Variants in PDE1A observed in about 807,000 individuals in gnomAD.
PDE1A encodes the protein dual specificity calcium/calmodulin-dependent 3',5'-cyclic nucleotide phosphodiesterase 1A.
In PDE1A, 35 loss-of-function variants were observed where a neutral mutation model predicts 61.7. That is an observed-to-expected ratio of 0.57 (90% CI 0.43 to 0.75). The LOEUF (loss-of-function observed/expected upper bound fraction) is 0.75, where lower values mean the gene tolerates loss of function less well. Ranked by LOEUF, PDE1A falls within the 30% of genes least tolerant of loss-of-function variation. PDE1A has a pLI of 0.00. For synonymous variants in PDE1A, 232 were observed against 213.2 expected (o/e 1.09, Z -0.77); for missense variants, 597 against 630.6 (o/e 0.95, Z 0.57).
intron 2 of PDE1A, among the ~76,000 whole-genome samples, chr2:182,500,823 TATA>T (rs1689042581): frequency 6.6e-6 from 1 of 152,202 alleles, no homozygotes; most frequent in South Asian, 2.1e-4. Flanking sequence ...AAATTCTATA[TATA>T]ATGACACTAA....
Position 182,426,572 on chromosome 2 carries a change from A to C in PDE1A, c.53+6T>G, listed in dbSNP as rs1157048696. The C allele has an allele frequency of 8.2e-6, 13 of 1,589,246 alleles. No homozygotes were observed. Among genetic ancestry groups the C allele is most frequent in the Non-Finnish European group, 1.1e-5 (13 of 1,158,736 alleles). On this transcript the variant is annotated splice_donor_region_variant and intron_variant, in intron 1 of 13. Transcript: ENST00000351439. ...CTAGAGCCACCTGCGATGTAGCATT[A>C]CTTACCTAAAGATGGGTCTTTGGAG...
downstream of PDE1A, chr2:182,142,827 G>C (rs889829324): frequency 2.6e-5 from 4 of 152,106 alleles, no homozygotes; most frequent in Non-Finnish European, 5.9e-5. Context: ...AAATTGTGGA[G>C]GGAAAAAAAT....
chr2:182,338,441 T>TATTTAC (rs1171901700), intron 1 of PDE1A, among the ~76,000 whole-genome samples: 1 of 152,224 alleles, frequency 6.6e-6, no homozygotes, highest in Non-Finnish European at 1.5e-5. Flanking sequence ...CATAAGTACC[T>TATTTAC]ATGTAATCAA....
chr2:182,478,886 C>T (rs1229569809), intron 2 of PDE1A, among the ~76,000 whole-genome samples: 1 of 151,808 alleles, frequency 6.6e-6, no homozygotes, highest in Non-Finnish European at 1.5e-5. Context: ...TTACTAGACC[C>T]CTTAATCTGG....
chr2:182,324,480 T>C (rs1473101876), intron 1 of PDE1A, among the ~76,000 whole-genome samples: 1 of 152,178 alleles, frequency 6.6e-6, no homozygotes, highest in South Asian at 2.1e-4. Flanking sequence ...CATAATTACC[T>C]GTATATGAGA....
intron 2 of PDE1A, among the ~76,000 whole-genome samples, chr2:182,444,056 T>G (rs1473265294): frequency 6.6e-6 from 1 of 152,162 alleles, no homozygotes; most frequent in Non-Finnish European, 1.5e-5. Context: ...TATAGCAATA[T>G]GAGAACAGCC....
At chr2:182,499,019 GCTCTGTCACCC>G (rs1422491525) in intron 2 of PDE1A, among the ~76,000 whole-genome samples, 4 of 151,538 alleles carry the variant, frequency 2.6e-5, no homozygotes, top group African/African-American at 9.7e-5. Context: ...ATTGAGTCTT[GCTCTGTCACCC>G]AGGCTGGAGT....
intron 2 of PDE1A, among the ~76,000 whole-genome samples, chr2:182,491,958 T>C (rs1401626188): frequency 6.6e-6 from 1 of 152,172 alleles, no homozygotes; most frequent in East Asian, 1.9e-4. Context: ...TGCTTAAGAG[T>C]TGGCATATGT....
intron 1 of PDE1A, among the ~76,000 whole-genome samples, chr2:182,305,127 C>T (rs1448299306): frequency 1.3e-5 from 2 of 151,982 alleles, no homozygotes. Context: ...TATTGGCTTT[C>T]TTCCTTCCTT....
At chr2:182,521,844 A>G (rs1202700081) in intron 2 of PDE1A, among the ~76,000 whole-genome samples, 1 of 152,158 alleles carries the variant, frequency 6.6e-6, no homozygotes, top group Non-Finnish European at 1.5e-5. Context: ...AAGTATAATT[A>G]TTTATTATCA....
intron 1 of PDE1A, among the ~76,000 whole-genome samples, chr2:182,376,828 G>T (rs1700435312): frequency 6.6e-6 from 1 of 152,182 alleles, no homozygotes; most frequent in African/African-American, 2.4e-5. Flanking sequence ...AAGGCAAGGA[G>T]GAGCAAGTCA....
the PDE1A span, among the ~76,000 whole-genome samples, chr2:182,586,786 A>G: frequency 6.6e-6 from 1 of 152,348 alleles, no homozygotes; most frequent in East Asian, 1.9e-4. Context: ...ACATTTATTC[A>G]TGCATTCATC....
intron 10 of PDE1A, among the ~76,000 whole-genome samples, chr2:182,193,758 A>G (rs1018168631): frequency 6.6e-6 from 1 of 152,172 alleles, no homozygotes; most frequent in Non-Finnish European, 1.5e-5. Flanking sequence ...TTTATGGAAT[A>G]TTAGAACCCC....
intron 7 of PDE1A, among the ~76,000 whole-genome samples, chr2:182,222,545 C>T (rs1220338516): frequency 6.6e-6 from 1 of 151,948 alleles, no homozygotes; most frequent in Non-Finnish European, 1.5e-5. Flanking sequence ...AACAATGGAA[C>T]TTAGTTAATA....
At chr2:182,259,950 A>G (rs947846632) in intron 2 of PDE1A, among the ~76,000 whole-genome samples, 1 of 152,252 alleles carries the variant, frequency 6.6e-6, no homozygotes, top group Non-Finnish European at 1.5e-5. Context: ...GACAGTTCTG[A>G]ACACAAGACT....
the PDE1A span, among the ~76,000 whole-genome samples, chr2:182,533,522 C>T: frequency 1.3e-5 from 2 of 151,878 alleles, no homozygotes; most frequent in Admixed American, 6.6e-5. Context: ...TGATTACTGA[C>T]ATTCTCAGCT....
intron 1 of PDE1A, among the ~76,000 whole-genome samples, chr2:182,410,003 C>A: frequency 6.6e-6 from 1 of 152,036 alleles, no homozygotes; most frequent in South Asian, 2.1e-4. Context: ...AATAAACGTA[C>A]AAAAAATTTT....
rs10200025 is a variant in PDE1A at position 182,383,031 on chromosome 2, A to T, written c.53+43547T>A. 8.4e-3 allele frequency among the ~76,000 whole-genome samples: 1,277 copies of T among 152,106 alleles called. 17 individuals carry two copies. Among genetic ancestry groups the T allele is most frequent in the African/African-American group, 0.029 (1,191 of 41,518 alleles). ...CACCAATACGTTAAAACCCCAATTA[A>T]ATATCTCCCTCATTCTGGTCCCAAG... On this transcript the variant is annotated intron_variant, in intron 1 of 13. Transcript: ENST00000351439.
chr2:182,608,643 G>C, the PDE1A span, among the ~76,000 whole-genome samples: 3 of 152,236 alleles, frequency 2.0e-5, no homozygotes, highest in Non-Finnish European at 2.9e-5. Flanking sequence ...CCTCCCCACA[G>C]GGCAGGGCTC....
Sources: allele counts gnomAD v4.1 joint callset (sites outside exome capture counted in the v4.1 genomes callset), GRCh38; gene constraint gnomAD v4.1.1; transcripts MANE v1.5; gene names NCBI Gene and HGNC (gene_info 2026-07-23, HGNC 2026-07-21).